TULP4: variants seen among roughly 807,000 people sequenced by gnomAD.
TULP4 encodes TUB like protein 4.
TULP4 carries 16 observed loss-of-function variants against 129.0 expected under a neutral mutation model. The ratio of observed to expected loss-of-function variants is 0.12; its 90% CI spans 0.08 to 0.19. The LOEUF (loss-of-function observed/expected upper bound fraction) is 0.19. Ranked by LOEUF, TULP4 falls within the 10% of genes least tolerant of loss-of-function variation. The pLI is 1.00. For synonymous variants in TULP4, 998 were observed against 854.0 expected (o/e 1.17, Z -2.94); for missense variants, 1,842 against 2,059.1 (o/e 0.89, Z 2.04).
At chr6:158,363,380 T>C (rs1780845716) in intron 1 of TULP4, among the ~76,000 whole-genome samples, 1 of 152,246 alleles carries the variant, frequency 6.6e-6, no homozygotes, top group Non-Finnish European at 1.5e-5. Context: ...GGTTAAGGCA[T>C]CTATTTTTTT....
chr6:158,353,516 G>T (rs570719515), intron 1 of TULP4, among the ~76,000 whole-genome samples: 1 of 151,906 alleles, frequency 6.6e-6, no homozygotes, highest in African/African-American at 2.4e-5. Flanking sequence ...TATTTATTAC[G>T]GTACTCTTTG....
intron 12 of TULP4, among the ~76,000 whole-genome samples, chr6:158,499,877 T>G (rs1002415409): frequency 2.0e-5 from 3 of 152,146 alleles, no homozygotes; most frequent in African/African-American, 7.2e-5. Flanking sequence ...TACTGCACTT[T>G]CCAACAATAG....
intron 1 of TULP4, among the ~76,000 whole-genome samples, chr6:158,316,349 G>A (rs958388733): frequency 2.6e-5 from 4 of 152,140 alleles, no homozygotes; most frequent in Non-Finnish European, 2.9e-5. Flanking sequence ...TTTCCAAAGT[G>A]GTTGTACTAT....
intron 1 of TULP4, among the ~76,000 whole-genome samples, chr6:158,393,282 T>C (rs1777630455): frequency 6.6e-6 from 1 of 152,190 alleles, no homozygotes; most frequent in South Asian, 2.1e-4. Flanking sequence ...GCTGCTTTCA[T>C]GGACTGGTGT....
At chr6:158,308,636 C>A (rs540687502), upstream of TULP4, among the ~76,000 whole-genome samples, 5 of 147,734 alleles carry the variant, frequency 3.4e-5, no homozygotes, top group Admixed American at 2.7e-4. Flanking sequence ...GGGGGCTGAC[C>A]CCCCCACCTC....
intron 1 of TULP4, among the ~76,000 whole-genome samples, chr6:158,315,028 A>G (rs965230351): frequency 9.2e-5 from 14 of 152,168 alleles, no homozygotes; most frequent in African/African-American, 3.1e-4. Context: ...CGCAATATTC[A>G]TGTTTTACTC....
At chr6:158,303,339 C>T (rs1364036912) in intron 1 of TULP4, among the ~76,000 whole-genome samples, 1 of 152,024 alleles carries the variant, frequency 6.6e-6, no homozygotes, top group East Asian at 1.9e-4. Context: ...GGCCTCTGGG[C>T]ATGACATCAC....
chr6:158,281,356 G>A (rs1032080667), upstream of TULP4, among the ~76,000 whole-genome samples: 1 of 152,102 alleles, frequency 6.6e-6, no homozygotes, highest in Non-Finnish European at 1.5e-5. Context: ...TGGGATTACA[G>A]GCGCCTACCA....
Position 158,511,230 on chromosome 6 carries a change from C to T in TULP4, c.*4536C>T, listed in dbSNP as rs565886451. ...TGTTTATTGTAGATAAAAATTTTTT[C>T]GTGTTGTAGAAAAGCATGGGTTATG... is the stretch of plus-strand genomic sequence containing the variant. On this transcript the variant is annotated 3_prime_UTR_variant, in exon 14 of 14. Coordinates refer to ENST00000367097, the MANE Select transcript of TULP4 (RefSeq NM_020245.5). 33 of 152,460 alleles carry T rather than the reference C, an allele frequency of 2.2e-4. No individual in the cohort carries two copies. The highest frequency in any genetic ancestry group is 5.8e-4 in the African/African-American group (24 of 41,462). The allele number at this position is 152,460 out of a possible 1,614,324, so 9.4% of individuals were successfully genotyped here.
chr6:158,371,125 G>A (rs1562539074), intron 1 of TULP4, among the ~76,000 whole-genome samples: 1 of 152,176 alleles, frequency 6.6e-6, no homozygotes, highest in Non-Finnish European at 1.5e-5. Context: ...GACCTTCTCA[G>A]AACAGTGAGA....
At chr6:158,448,229 T>C (rs1779095564) in intron 3 of TULP4, among the ~76,000 whole-genome samples, 1 of 152,178 alleles carries the variant, frequency 6.6e-6, no homozygotes, top group South Asian at 2.1e-4. Context: ...TGCTCTGAGA[T>C]GGGTGAGGCC....
intron 1 of TULP4, among the ~76,000 whole-genome samples, chr6:158,285,617 T>A (rs1341157567): frequency 6.6e-6 from 1 of 152,200 alleles, no homozygotes; most frequent in African/African-American, 2.4e-5. Flanking sequence ...ATTGAATGAA[T>A]AGCTCACAGC....
At chr6:158,404,662 G>A (rs1173032129) in intron 1 of TULP4, among the ~76,000 whole-genome samples, 4 of 151,416 alleles carry the variant, frequency 2.6e-5, no homozygotes, top group Admixed American at 6.6e-5. Context: ...TGTAATCCCA[G>A]CTACTCAGGA....
rs750939893 is a variant in TULP4 at position 158,493,404 on chromosome 6, T to A, written c.1632-169T>A. Among the ~76,000 whole-genome samples, 2 of 152,204 alleles carry A rather than the reference T, an allele frequency of 1.3e-5. No individual in the cohort carries two copies. Among genetic ancestry groups the A allele is most frequent in the Non-Finnish European group, 2.9e-5 (2 of 68,038 alleles). On this transcript the variant is annotated intron_variant, in intron 9 of 13. Transcript: ENST00000367097. The surrounding 1 kb of genome is among the most constrained non-coding windows in gnomAD (Gnocchi z 4.4). ...TAAAGTTGTCATTCTTTCCTCATAT[T>A]CATAAAGCAAAAGCAAGGGGAGAGC...
At chr6:158,440,868 A>AT (rs1371368042) in intron 3 of TULP4, among the ~76,000 whole-genome samples, 3 of 152,110 alleles carry the variant, frequency 2.0e-5, no homozygotes, top group Non-Finnish European at 4.4e-5. Context: ...GTACTTTTTC[A>AT]TTTTGTCAGT....
At chr6:158,396,927 CGTG>C (rs1777730911) in intron 1 of TULP4, among the ~76,000 whole-genome samples, 1 of 152,088 alleles carries the variant, frequency 6.6e-6, no homozygotes. Context: ...AGGCGGGCTG[CGTG>C]GTTTTACATG....
intron 1 of TULP4, among the ~76,000 whole-genome samples, chr6:158,348,310 A>C (rs1780367157): frequency 6.6e-6 from 1 of 151,894 alleles, no homozygotes; most frequent in Non-Finnish European, 1.5e-5. Flanking sequence ...TTTCCTAGGC[A>C]GAGGTCCCTG....
intron 1 of TULP4, among the ~76,000 whole-genome samples, chr6:158,332,188 AAAAAAAAAAAAAATATAT>A (rs1229240027): frequency 2.0e-3 from 11 of 5,476 alleles, no homozygotes; most frequent in East Asian, 5.4e-3. Context: ...AAAAAAAAAA[AAAAAAAAAAAAAATATAT>A]ATATATATAT....
intron 1 of TULP4, among the ~76,000 whole-genome samples, chr6:158,288,707 A>G (rs1191532865): frequency 6.6e-6 from 1 of 152,070 alleles, no homozygotes; most frequent in Non-Finnish European, 1.5e-5. Flanking sequence ...TCACCGTGTT[A>G]GCCAGGATGG....
Sources: allele counts gnomAD v4.1 joint callset (sites outside exome capture counted in the v4.1 genomes callset), GRCh38; gene constraint gnomAD v4.1.1; non-coding constraint Gnocchi (gnomAD v3.1); transcripts MANE v1.5; gene names NCBI Gene and HGNC (gene_info 2026-07-23, HGNC 2026-07-21).